The following LAMA3 variants were observed in gnomAD, a reference collection of about 807,000 sequenced individuals.
The protein encoded by LAMA3 is laminin subunit alpha 3.
Under a neutral mutation model 402.0 loss-of-function variants are expected in LAMA3, and 281 were observed. The ratio of observed to expected loss-of-function variants is 0.70; its 90% CI spans 0.63 to 0.77. LAMA3 has a LOEUF of 0.77. LAMA3 is among the 30% of genes least tolerant of loss of function. The pLI, the probability that LAMA3 is intolerant of heterozygous loss-of-function variation, is 0.00. For missense variants in LAMA3, 3,840 were observed against 4,215.5 expected (o/e 0.91, Z 2.47); for synonymous variants, 1,431 against 1,558.4 (o/e 0.92, Z 1.93).
At chr18:23,690,872 A>ATTATTTATTTATTTATTTATTTAT (rs10665618) in intron 1 of LAMA3, among the ~76,000 whole-genome samples, 1 of 136,952 alleles carries the variant, frequency 7.3e-6, no homozygotes, top group Non-Finnish European at 1.6e-5. Context: ...AGGCCTGGCA[A>ATTATTTATTTATTTATTTATTTAT]TTATTTATTT....
At chr18:23,805,500 G>C (rs1172802966) in intron 12 of LAMA3, among the ~76,000 whole-genome samples, 1 of 152,110 alleles carries the variant, frequency 6.6e-6, no homozygotes, top group African/African-American at 2.4e-5. Flanking sequence ...ATAGGTCAGG[G>C]AACCAATGTG....
At chr18:23,718,729 T>C (rs759228879) in intron 2 of LAMA3, among the ~76,000 whole-genome samples, 2 of 152,132 alleles carry the variant, frequency 1.3e-5, no homozygotes, top group Non-Finnish European at 2.9e-5. Context: ...AGCTCCCTGG[T>C]CCCCCTCTGA....
chr18:23,942,318 T>C (rs2082551410), intron 68 of LAMA3, among the ~76,000 whole-genome samples: 1 of 152,154 alleles, frequency 6.6e-6, no homozygotes, highest in African/African-American at 2.4e-5. Flanking sequence ...GACATCTGCA[T>C]CTCCCACGAC....
chr18:23,871,013 A>G (rs2064501174), intron 37 of LAMA3, among the ~76,000 whole-genome samples: 1 of 152,220 alleles, frequency 6.6e-6, no homozygotes, highest in African/African-American at 2.4e-5. Flanking sequence ...AAAATAATAT[A>G]AACGTTTGTG....
At chr18:23,942,704 A>G (rs1035189624) in intron 68 of LAMA3, among the ~76,000 whole-genome samples, 2 of 151,600 alleles carry the variant, frequency 1.3e-5, no homozygotes, top group Admixed American at 6.6e-5. Context: ...CAGCCTCCCA[A>G]GTTAGTTGGG....
chr18:23,775,405 T>C (rs1044960496), intron 9 of LAMA3, among the ~76,000 whole-genome samples: 4 of 152,206 alleles, frequency 2.6e-5, no homozygotes, highest in Non-Finnish European at 5.9e-5. Context: ...GATGACCACT[T>C]TGTGGGCATT....
rs145929294 is a variant in LAMA3, at chr18:23,888,732, A to G, written c.5304-1279A>G. Among the ~76,000 whole-genome samples, 470 of 152,308 alleles carry G rather than the reference A, an allele frequency of 3.1e-3. 2 individuals carry two copies. The highest frequency in any genetic ancestry group is 0.01 in the Middle Eastern group (3 of 294). On this transcript the variant is annotated intron_variant, in intron 41 of 74. Coordinates refer to ENST00000313654, the MANE Select transcript of LAMA3 (RefSeq NM_198129.4). ...ATGGTAACGTGTATTGGAATTGCCT[A>G]ATTTTTTTTGATGCAGTGCTTAAAT...
chr18:23,777,471 G>A, intron 10 of LAMA3, 86 bp from the exon 11 acceptor site: 2 of 894,962 alleles, frequency 2.2e-6, no homozygotes, highest in South Asian at 2.7e-5. Flanking sequence ...GTGACAGAGG[G>A]TGTCTTCCTA....
intron 29 of LAMA3, among the ~76,000 whole-genome samples, chr18:23,843,152 G>A (rs73967609): frequency 0.023 from 3,559 of 151,986 alleles, 135 homozygotes; most frequent in African/African-American, 0.082. Flanking sequence ...ATTTGACACC[G>A]AGCCCCTCAT....
At chr18:23,789,413 C>A (rs1439708268) in intron 12 of LAMA3, among the ~76,000 whole-genome samples, 3 of 152,134 alleles carry the variant, frequency 2.0e-5, no homozygotes, top group Non-Finnish European at 4.4e-5. Flanking sequence ...AATGGGGAAA[C>A]AACCCATATG....
intron 18 of LAMA3, among the ~76,000 whole-genome samples, chr18:23,818,024 G>A (rs1434999715): frequency 6.6e-6 from 1 of 151,790 alleles, no homozygotes; most frequent in Non-Finnish European, 1.5e-5. Context: ...GCATGGTGGC[G>A]CACACCTGTA....
chr18:23,939,987 G>T (rs1030542142), intron 68 of LAMA3, among the ~76,000 whole-genome samples: 1 of 152,210 alleles, frequency 6.6e-6, no homozygotes, highest in African/African-American at 2.4e-5. Flanking sequence ...TTGCCCGGGG[G>T]GCTAAAAGGA....
chr18:23,857,307 G>T (rs1005599761), intron 32 of LAMA3, among the ~76,000 whole-genome samples: 1 of 152,204 alleles, frequency 6.6e-6, no homozygotes, highest in African/African-American at 2.4e-5. Context: ...CCATGGGGCA[G>T]CATTCCCTGC....
At chr18:23,830,435 G>A (rs2063470326) in intron 23 of LAMA3, among the ~76,000 whole-genome samples, 1 of 152,068 alleles carries the variant, frequency 6.6e-6, no homozygotes, top group South Asian at 2.1e-4. Context: ...ACCCACTTCA[G>A]TCTGGCTTTC....
intron 68 of LAMA3, among the ~76,000 whole-genome samples, chr18:23,942,246 A>G (rs1333143558): frequency 6.6e-6 from 1 of 152,168 alleles, no homozygotes; most frequent in Non-Finnish European, 1.5e-5. Flanking sequence ...GGATGAACCC[A>G]TGCCTCCTAT....
At chr18:23,950,213 C>G in intron 72 of LAMA3, 54 bp downstream of exon 72, 1 of 1,608,978 alleles carries the variant, frequency 6.2e-7, no homozygotes, top group Admixed American at 1.7e-5. Flanking sequence ...GCTTCAATGT[C>G]TGGAGGCCAC....
intron 47 of LAMA3, 26 bp downstream of exon 47, chr18:23,899,481 T>A: frequency 6.2e-7 from 1 of 1,609,340 alleles, no homozygotes; most frequent in Non-Finnish European, 8.5e-7. Context: ...AATTCTTGCA[T>A]CCAGTCCATT....
chr18:23,864,094 A>G (rs1180557581), intron 35 of LAMA3, among the ~76,000 whole-genome samples: 2 of 152,250 alleles, frequency 1.3e-5, no homozygotes, highest in African/African-American at 4.8e-5. Context: ...TCTCTCAGTT[A>G]AAAAAGAAAC....
chr18:23,733,837 A>G (rs1209697927), intron 2 of LAMA3, among the ~76,000 whole-genome samples: 1 of 152,170 alleles, frequency 6.6e-6, no homozygotes, highest in East Asian at 1.9e-4. Flanking sequence ...CCTGATCATG[A>G]GTCAAGGTCA....
Sources: gnomAD v4.1 joint callset for allele counts (sites outside exome capture counted in the v4.1 genomes callset) on GRCh38, gnomAD v4.1.1 for gene constraint, MANE v1.5 for transcripts, NCBI Gene and HGNC (gene_info 2026-07-23, HGNC 2026-07-21) for gene names.